Variants in FAM107A observed in about 807,000 individuals in gnomAD.
The protein encoded by FAM107A is family with sequence similarity 107 member A.
FAM107A carries 19 observed loss-of-function variants against 13.7 expected under a neutral mutation model. The ratio of observed to expected loss-of-function variants is 1.38; its 90% CI spans 0.97 to 2.03. FAM107A has a LOEUF of 2.03. FAM107A is among the 30% of genes most tolerant of loss of function. The pLI is 0.00. For synonymous variants in FAM107A, 82 were observed against 74.5 expected, an observed-to-expected ratio of 1.10 and a Z score of -0.52; for missense variants, 203 against 184.4, an observed-to-expected ratio of 1.10 and a Z score of -0.58.
At chr3:58,595,563 G>C (rs2065700082) in intron 1 of FAM107A, among the ~76,000 whole-genome samples, 2 of 142,138 alleles carry the variant, frequency 1.4e-5, no homozygotes, top group Admixed American at 1.5e-4. Flanking sequence ...TCCACCCCCT[G>C]CCTGTAAAAA....
Position 58,565,320 on chromosome 3 carries a change from G to T in FAM107A, c.*1268C>A, listed in dbSNP as rs1390031829. The stretch of plus-strand genomic sequence containing the variant: ...AGGCCGGGGATTCAGACTCAAAGGG[G>T]CCAGTCCATAAAGGTGGCAGTGGGG... On this transcript the variant is annotated 3_prime_UTR_variant, in exon 4 of 4. Transcript: ENST00000360997. 6.6e-6 allele frequency: 1 copy of T among 151,652 alleles called. No homozygotes were observed. The highest frequency in any genetic ancestry group is 6.6e-5 in the Admixed American group (1 of 15,222). The allele number at this position is 151,652 out of a possible 1,614,324, so 9.4% of individuals were successfully genotyped here.
chr3:58,621,956 A>G (rs1399775345), intron 1 of FAM107A, among the ~76,000 whole-genome samples: 1 of 152,206 alleles, frequency 6.6e-6, no homozygotes, highest in Non-Finnish European at 1.5e-5. Flanking sequence ...TAGCCCTTTC[A>G]TGGGGCATTT....
At chr3:58,587,089 G>A (rs558463089) in exon 1 of FAM107A, 19 of 1,369,494 alleles carry the variant, frequency 1.4e-5, no homozygotes, top group East Asian at 3.0e-5. Context: ...CCGGAGGGGC[G>A]GGCGAGGAGA....
rs2065614167 is a variant in FAM107A, at chr3:58,587,005, G to A, written c.-69C>T. 3.5e-6 allele frequency: 5 copies of A among 1,419,442 alleles called. No individual in the cohort carries two copies. The South Asian group carries it at 7.2e-5, about 20-fold the overall frequency. 87.9% of individuals were successfully genotyped at this position (1,419,442 alleles called of 1,614,324 possible). On this transcript the variant is annotated 5_prime_UTR_variant, in exon 1 of 4. Transcript: ENST00000447756. ...GAGCGCACAGCAGGAGCGTAGTCCG[G>A]AGCCGAAGCGCCTCCGCGACGGTGA...
chr3:58,594,689 T>C (rs907205077), intron 1 of FAM107A, among the ~76,000 whole-genome samples: 2 of 152,218 alleles, frequency 1.3e-5, no homozygotes, highest in Non-Finnish European at 2.9e-5. Context: ...AACACTTCAC[T>C]GTTGTTTTGT....
chr3:58,589,209 A>C (rs768969058), upstream of FAM107A: 242 of 1,532,410 alleles, frequency 1.6e-4, 1 homozygote, highest in Non-Finnish European at 2.0e-4. Flanking sequence ...GACTTACCTG[A>C]GCCATTTCGT....
upstream of FAM107A, among the ~76,000 whole-genome samples, chr3:58,589,052 G>T (rs773367071): frequency 5.9e-5 from 9 of 152,304 alleles, no homozygotes; most frequent in Non-Finnish European, 1.2e-4. Context: ...TTTGAACCCA[G>T]ATGGTGCCAG....
upstream of FAM107A, among the ~76,000 whole-genome samples, chr3:58,582,293 T>C (rs1384675464): frequency 6.6e-6 from 1 of 152,236 alleles, no homozygotes; most frequent in East Asian, 1.9e-4. Flanking sequence ...CTGTATTTTA[T>C]CTGGCAGCCC....
At chr3:58,618,004 C>T (rs967776234) in intron 1 of FAM107A, among the ~76,000 whole-genome samples, 6 of 152,186 alleles carry the variant, frequency 3.9e-5, no homozygotes, top group Admixed American at 3.3e-4. Flanking sequence ...CTCTTTGAGT[C>T]GAGCGTCTGC....
chr3:58,621,775 G>A (rs1016677267), intron 1 of FAM107A, among the ~76,000 whole-genome samples: 6 of 152,172 alleles, frequency 3.9e-5, no homozygotes, highest in Non-Finnish European at 8.8e-5. Context: ...TCTGCATAAC[G>A]GGGGTTGCAG....
At chr3:58,595,624 T>C (rs2065700775) in intron 1 of FAM107A, among the ~76,000 whole-genome samples, 1 of 152,056 alleles carries the variant, frequency 6.6e-6, no homozygotes, top group Admixed American at 6.6e-5. Context: ...CTAATGATAA[T>C]CCCACCACCC....
At chr3:58,596,493 C>A (rs1288301077) in intron 1 of FAM107A, among the ~76,000 whole-genome samples, 1 of 152,132 alleles carries the variant, frequency 6.6e-6, no homozygotes, top group Admixed American at 6.5e-5. Flanking sequence ...GCCTGGTCAA[C>A]ATGAAGAAAC....
intron 1 of FAM107A, among the ~76,000 whole-genome samples, chr3:58,606,890 G>T (rs1256459114): frequency 6.6e-6 from 1 of 152,278 alleles, no homozygotes; most frequent in East Asian, 1.9e-4. Flanking sequence ...TCTTGTAGCT[G>T]CTGGGAGTTT....
In FAM107A at chr3:58,577,351, G is replaced by T. The variant is rs934243525; in HGVS notation, c.-48C>A. 6 of 985,354 alleles carry T rather than the reference G, an allele frequency of 6.1e-6. No individual in the cohort carries two copies. In the African/African-American group the frequency reaches 8.7e-5, roughly 14 times the overall value. The allele number at this position is 985,354 out of a possible 1,614,324, so 61.0% of individuals were successfully genotyped here. A position where few individuals can be genotyped will look rare whatever the true frequency, so the allele number is the denominator to read the frequency against. ...TGGGAAGGGAAGTCAGGAGCGTGTT[G>T]CTGGGTTCCTCACTCCACCGGGAAG... On this transcript the variant is annotated 5_prime_UTR_variant, in exon 1 of 4. Transcript: ENST00000360997. This position sits in a 1 kb window ranked among gnomAD's most constrained non-coding sequence, Gnocchi z 4.9.
chr3:58,589,293 G>A (rs933672375), upstream of FAM107A: 14 of 1,472,780 alleles, frequency 9.5e-6, no homozygotes, highest in African/African-American at 1.7e-4. Context: ...GAAAGTAGGT[G>A]GAGTTGAGGA....
intron 1 of FAM107A, among the ~76,000 whole-genome samples, chr3:58,584,128 GTCC>G (rs2065578053): frequency 6.6e-6 from 1 of 152,174 alleles, no homozygotes; most frequent in East Asian, 1.9e-4. Flanking sequence ...CAGAGAGCGG[GTCC>G]AGAGGCACAC....
intron 3 of FAM107A, 81 bp downstream of exon 3, chr3:58,567,127 C>A: frequency 6.6e-7 from 1 of 1,513,068 alleles, no homozygotes; most frequent in South Asian, 1.1e-5. Flanking sequence ...TTCCCTCTTA[C>A]TAGCTGTGGC....
At chr3:58,582,202 A>G (rs2065555868), upstream of FAM107A, among the ~76,000 whole-genome samples, 1 of 152,260 alleles carries the variant, frequency 6.6e-6, no homozygotes, top group African/African-American at 2.4e-5. Context: ...ACTTTTTAGT[A>G]TAGTCCATGA....
chr3:58,590,453 A>T (rs951821316), upstream of FAM107A, among the ~76,000 whole-genome samples: 3 of 152,212 alleles, frequency 2.0e-5, no homozygotes, highest in African/African-American at 7.2e-5. Flanking sequence ...GGATACCAAC[A>T]GTAATTTGTT....
Sources: allele counts gnomAD v4.1 joint callset (sites outside exome capture counted in the v4.1 genomes callset), GRCh38; gene constraint gnomAD v4.1.1; non-coding constraint Gnocchi (gnomAD v3.1); transcripts MANE v1.5; gene names NCBI Gene and HGNC (gene_info 2026-07-23, HGNC 2026-07-21).